KLHL1: variants seen among roughly 807,000 people sequenced by gnomAD.
KLHL1 encodes kelch-like protein 1.
KLHL1 carries 47 observed loss-of-function variants against 77.7 expected under a neutral mutation model. The observed-to-expected ratio is 0.60, with a 90% confidence interval of 0.48 to 0.77. KLHL1 has a LOEUF of 0.77. Among genes scored for constraint, KLHL1 ranks in the 30% least tolerant of loss-of-function variants. KLHL1 has a pLI of 0.00. For synonymous variants in KLHL1, 360 were observed against 325.2 expected, an observed-to-expected ratio of 1.11 and a Z score of -1.15; for missense variants, 925 against 910.8, an observed-to-expected ratio of 1.02 and a Z score of -0.20.
chr13:69,744,658 AC>A (rs909856901), intron 7 of KLHL1, among the ~76,000 whole-genome samples: 111 of 150,588 alleles, frequency 7.4e-4, no homozygotes, highest in African/African-American at 2.5e-3. Flanking sequence ...CGAAAGGTAC[AC>A]CCCCCCCAAA....
chr13:70,024,733 G>A (rs1219255993), intron 1 of KLHL1, among the ~76,000 whole-genome samples: 1 of 150,846 alleles, frequency 6.6e-6, no homozygotes, highest in Non-Finnish European at 1.5e-5. Context: ...AACGGAAGTT[G>A]GAGAGAAGAA....
intron 5 of KLHL1, among the ~76,000 whole-genome samples, chr13:69,852,211 G>C (rs1879717568): frequency 1.3e-5 from 2 of 151,890 alleles, no homozygotes; most frequent in Non-Finnish European, 2.9e-5. Context: ...CCTTGAGAGG[G>C]ATACATCTGC....
At position 69,782,056 on chromosome 13, in the gene KLHL1, T is replaced by TC. The variant is rs1163981709; in HGVS notation, c.1639+14681_1639+14682insG. ...TCTCTCTTTTGATAACTTCTTGTTT[T>TC]TAAGGGTGAATATCTTATGGCATCT... On this transcript the variant is annotated intron_variant, in intron 7 of 10. Transcript: ENST00000377844. Among the ~76,000 whole-genome samples the TC allele has an allele frequency of 1.1e-4, 17 of 152,216 alleles. 1 individual carries two copies. The highest frequency in any genetic ancestry group is 1.5e-5 in the Non-Finnish European group (1 of 68,040).
At chr13:70,074,011 A>C (rs76830026) in intron 1 of KLHL1, among the ~76,000 whole-genome samples, 20,814 of 151,786 alleles carry the variant, frequency 0.14, 1,607 homozygotes, top group Non-Finnish European at 0.15. Flanking sequence ...TTTTTACTAG[A>C]GATGGGGTTT....
intron 6 of KLHL1, among the ~76,000 whole-genome samples, chr13:69,798,852 G>C (rs1041055209): frequency 1.3e-5 from 2 of 152,070 alleles, no homozygotes; most frequent in Non-Finnish European, 2.9e-5. Context: ...TGAATCATCT[G>C]AGGTCAGGAG....
chr13:69,997,296 G>T (rs1299022302), intron 1 of KLHL1, among the ~76,000 whole-genome samples: 2 of 150,934 alleles, frequency 1.3e-5, no homozygotes, highest in Non-Finnish European at 3.0e-5. Flanking sequence ...TTTTTAATTA[G>T]TTAATATTTT....
chr13:69,797,471 T>G (rs1355045793), intron 6 of KLHL1, among the ~76,000 whole-genome samples: 1 of 152,178 alleles, frequency 6.6e-6, no homozygotes, highest in Non-Finnish European at 1.5e-5. Flanking sequence ...TTGTAAGATA[T>G]ATAAGCAAAT....
At chr13:69,839,372 ATTAT>A (rs575797933) in intron 5 of KLHL1, among the ~76,000 whole-genome samples, 4 of 151,968 alleles carry the variant, frequency 2.6e-5, no homozygotes, top group East Asian at 1.9e-4. Context: ...TTGATTCAAT[ATTAT>A]TTATCATTTT....
At chr13:70,097,168 C>T (rs528894081) in intron 1 of KLHL1, among the ~76,000 whole-genome samples, 6 of 152,088 alleles carry the variant, frequency 3.9e-5, no homozygotes, top group African/African-American at 1.2e-4. Flanking sequence ...CTTAACATGA[C>T]ATTTTGCAAC....
At position 69,899,974 on chromosome 13, in the gene KLHL1, C is replaced by G. The variant is rs566681975; in HGVS notation, c.1015-17479G>C. 8.5e-5 allele frequency among the ~76,000 whole-genome samples: 13 copies of G among 152,168 alleles called. No individual in the cohort carries two copies. The East Asian group carries it at 2.5e-3, about 30-fold the overall frequency. On this transcript the variant is annotated intron_variant, in intron 4 of 10. Transcript: ENST00000377844. Reference sequence around the variant, plus strand: ...TTATGAATGGACTTAAAAATATGAGCTTTCCCTCACAAAGGCTGAACTTAC... The same window carrying G: ...TTATGAATGGACTTAAAAATATGAGGTTTCCCTCACAAAGGCTGAACTTAC...
chr13:69,718,891 T>C (rs1872898697), intron 9 of KLHL1, among the ~76,000 whole-genome samples: 1 of 152,116 alleles, frequency 6.6e-6, no homozygotes, highest in Non-Finnish European at 1.5e-5. Context: ...AAAAATGGTA[T>C]GTCATAAAAG....
intron 1 of KLHL1, among the ~76,000 whole-genome samples, chr13:70,030,859 A>G (rs905529036): frequency 2.0e-5 from 3 of 152,204 alleles, no homozygotes; most frequent in African/African-American, 7.2e-5. Context: ...AGACTAATAA[A>G]GAAGAAAAGA....
chr13:69,999,146 A>G (rs1330558446), intron 1 of KLHL1, among the ~76,000 whole-genome samples: 3 of 152,108 alleles, frequency 2.0e-5, no homozygotes, highest in Admixed American at 2.0e-4. Context: ...TAGCATATGT[A>G]TATGTATTAT....
chr13:69,790,995 T>G (rs1031727826), intron 7 of KLHL1, among the ~76,000 whole-genome samples: 1 of 151,872 alleles, frequency 6.6e-6, no homozygotes, highest in African/African-American at 2.4e-5. Flanking sequence ...TATTTAATAG[T>G]GAAAGTCACT....
chr13:69,950,466 C>T (rs1030909636), intron 3 of KLHL1, among the ~76,000 whole-genome samples: 1 of 151,502 alleles, frequency 6.6e-6, no homozygotes, highest in African/African-American at 2.4e-5. Context: ...TGACTCTGTC[C>T]CTAATCAACT....
intron 4 of KLHL1, among the ~76,000 whole-genome samples, chr13:69,921,441 T>C (rs767682783): frequency 9.9e-5 from 15 of 152,198 alleles, no homozygotes; most frequent in Non-Finnish European, 1.8e-4. Flanking sequence ...GAGAGTTGCT[T>C]AGTCTAATTA....
At chr13:70,064,160 G>A (rs745319736) in intron 1 of KLHL1, among the ~76,000 whole-genome samples, 1 of 151,960 alleles carries the variant, frequency 6.6e-6, no homozygotes, top group African/African-American at 2.4e-5. Flanking sequence ...AATGAACAAA[G>A]CAACAAGTAT....
chr13:69,980,655 A>AT (rs1205107179), intron 1 of KLHL1, among the ~76,000 whole-genome samples: 1 of 151,998 alleles, frequency 6.6e-6, no homozygotes, highest in Non-Finnish European at 1.5e-5. Flanking sequence ...AGAAAGCCTT[A>AT]TTTTTTTCAG....
At chr13:69,704,240 GA>G (rs1445462735) in intron 10 of KLHL1, among the ~76,000 whole-genome samples, 5 of 151,504 alleles carry the variant, frequency 3.3e-5, no homozygotes, top group African/African-American at 1.2e-4. Context: ...GTCAGTGAAT[GA>G]CACCCCTCTC....
Sources: allele counts gnomAD v4.1 joint callset (sites outside exome capture counted in the v4.1 genomes callset), GRCh38; gene constraint gnomAD v4.1.1; transcripts MANE v1.5; gene names NCBI Gene and HGNC (gene_info 2026-07-23, HGNC 2026-07-21).